KCNS3: variants seen among roughly 807,000 people sequenced by gnomAD.
KCNS3 encodes the protein potassium voltage-gated channel modifier subfamily S member 3.
KCNS3 carries 13 observed loss-of-function variants against 31.0 expected under a neutral mutation model. The ratio of observed to expected loss-of-function variants is 0.42; its 90% CI spans 0.27 to 0.67. The LOEUF (loss-of-function observed/expected upper bound fraction) is 0.67. Ranked by LOEUF, KCNS3 falls within the 30% of genes least tolerant of loss-of-function variation. The probability of loss-of-function intolerance (pLI) is 0.25; values close to 1 mark genes in which losing one functional copy is unlikely to be tolerated. For synonymous variants in KCNS3, 238 were observed against 241.5 expected (o/e 0.99, Z 0.13); for missense variants, 545 against 622.4 (o/e 0.88, Z 1.32).
chr2:17,921,913 GTGTATA>G (rs1454123682), intron 2 of KCNS3, among the ~76,000 whole-genome samples: 2,147 of 33,564 alleles, frequency 0.064, 21 homozygotes, highest in Admixed American at 0.084. Flanking sequence ...GTGTGTGTGT[GTGTATA>G]TATATATATA....
intron 1 of KCNS3, among the ~76,000 whole-genome samples, chr2:17,909,733 G>T (rs2125244937): frequency 6.6e-6 from 1 of 152,278 alleles, no homozygotes. Context: ...CCAGGCAGAG[G>T]GTTCAGCCAC....
intron 2 of KCNS3, among the ~76,000 whole-genome samples, chr2:17,924,479 T>G (rs767271677): frequency 1.3e-4 from 20 of 152,276 alleles, no homozygotes; most frequent in Middle Eastern, 6.8e-3. Flanking sequence ...AAATATGTTT[T>G]TAGCTGTGGG....
intron 2 of KCNS3, among the ~76,000 whole-genome samples, chr2:17,921,911 G>A (rs1374391865): frequency 1.0e-5 from 1 of 100,434 alleles, no homozygotes; most frequent in Non-Finnish European, 2.0e-5. Flanking sequence ...ATGTGTGTGT[G>A]TGTGTATATA....
intron 1 of KCNS3, among the ~76,000 whole-genome samples, chr2:17,905,903 G>C (rs1044797742): frequency 8.5e-5 from 13 of 152,324 alleles, no homozygotes; most frequent in African/African-American, 3.1e-4. Flanking sequence ...GTTCATCAAG[G>C]ATATTGGTCT....
intron 1 of KCNS3, among the ~76,000 whole-genome samples, chr2:17,905,690 A>G (rs1363153269): frequency 6.6e-6 from 1 of 152,184 alleles, no homozygotes; most frequent in Non-Finnish European, 1.5e-5. Context: ...AATTTTGTCA[A>G]AGGCCTTTTC....
chr2:17,920,975 T>G (rs553253793), intron 2 of KCNS3, among the ~76,000 whole-genome samples: 1 of 152,328 alleles, frequency 6.6e-6, no homozygotes, highest in African/African-American at 2.4e-5. Flanking sequence ...ATTCTGAGCC[T>G]CAGATGTCCC....
intron 1 of KCNS3, among the ~76,000 whole-genome samples, chr2:17,892,214 C>T (rs377207545): frequency 6.6e-6 from 1 of 151,602 alleles, no homozygotes. Flanking sequence ...TTGTTCAATT[C>T]TATTGCTGAG....
intron 1 of KCNS3, among the ~76,000 whole-genome samples, chr2:17,880,827 C>T (rs1224055563): frequency 6.6e-6 from 1 of 152,222 alleles, no homozygotes; most frequent in Non-Finnish European, 1.5e-5. Context: ...CTGCAGCTCC[C>T]TCCTGTCTTC....
rs139104730 is a variant in KCNS3, at chr2:17,900,779, C to T, written c.-251-16901C>T. Among the ~76,000 whole-genome samples, 265 of 152,146 alleles carry T rather than the reference C, an allele frequency of 1.7e-3. 2 individuals are homozygous for T. The highest frequency in any genetic ancestry group is 6.3e-3 in the African/African-American group (260 of 41,508). ...TGCTGGGATTACAGGCATGAACCAC[C>T]GCGTCTGGCTGTTTTTCACTAATTC... On this transcript the variant is annotated intron_variant, in intron 1 of 2. Coordinates refer to ENST00000304101, the MANE Select transcript of KCNS3 (RefSeq NM_002252.5).
intron 1 of KCNS3, among the ~76,000 whole-genome samples, chr2:17,887,668 C>A (rs1361065477): frequency 3.3e-5 from 5 of 152,046 alleles, no homozygotes; most frequent in African/African-American, 1.2e-4. Flanking sequence ...ATAATGACTT[C>A]TTTTCCTCTG....
At chr2:17,925,462 G>A (rs925870039) in intron 2 of KCNS3, among the ~76,000 whole-genome samples, 5 of 152,130 alleles carry the variant, frequency 3.3e-5, no homozygotes, top group Admixed American at 2.0e-4. Context: ...TTTTCACGCT[G>A]CTATAAAGAC....
At chr2:17,905,642 C>T (rs1227040467) in intron 1 of KCNS3, among the ~76,000 whole-genome samples, 1 of 152,122 alleles carries the variant, frequency 6.6e-6, no homozygotes, top group East Asian at 1.9e-4. Flanking sequence ...CTCATCAATG[C>T]CTAATTTATT....
chr2:17,912,792 C>G (rs1319658946), intron 1 of KCNS3, among the ~76,000 whole-genome samples: 1 of 152,184 alleles, frequency 6.6e-6, no homozygotes, highest in African/African-American at 2.4e-5. Context: ...TTATACTAAC[C>G]TTTCAAAAAT....
At chr2:17,894,252 GT>G (rs563008250) in intron 1 of KCNS3, among the ~76,000 whole-genome samples, 299 of 152,146 alleles carry the variant, frequency 2.0e-3, no homozygotes, top group African/African-American at 6.7e-3. Context: ...CAGTGACATG[GT>G]TTTGAGTACC....
intron 2 of KCNS3, among the ~76,000 whole-genome samples, chr2:17,929,443 A>ACGAGAAC (rs1662907103): frequency 6.6e-6 from 1 of 152,180 alleles, no homozygotes; most frequent in Non-Finnish European, 1.5e-5. Flanking sequence ...GCCAGATCTC[A>ACGAGAAC]TGAGAACTCT....
chr2:17,904,595 C>A (rs1449190716), intron 1 of KCNS3, among the ~76,000 whole-genome samples: 4 of 152,148 alleles, frequency 2.6e-5, no homozygotes, highest in Admixed American at 2.6e-4. Context: ...GGTTTTAGGT[C>A]TAACATTTAA....
At chr2:17,887,630 T>C (rs928225136) in intron 1 of KCNS3, among the ~76,000 whole-genome samples, 7 of 151,516 alleles carry the variant, frequency 4.6e-5, no homozygotes, top group African/African-American at 1.7e-4. Flanking sequence ...TGTGCTGCTA[T>C]AAACATGTGT....
At chr2:17,909,484 AG>A (rs1662421045) in intron 1 of KCNS3, among the ~76,000 whole-genome samples, 1 of 152,118 alleles carries the variant, frequency 6.6e-6, no homozygotes, top group African/African-American at 2.4e-5. Context: ...CTGTCTGACG[AG>A]CCCCAGTGAG....
intron 1 of KCNS3, among the ~76,000 whole-genome samples, chr2:17,898,904 G>C (rs1036072945): frequency 1.3e-5 from 2 of 152,134 alleles, no homozygotes; most frequent in Non-Finnish European, 2.9e-5. Flanking sequence ...TTCTCAGATG[G>C]CACTCAGGGC....
Sources: allele counts gnomAD v4.1 joint callset (sites outside exome capture counted in the v4.1 genomes callset), GRCh38; gene constraint gnomAD v4.1.1; transcripts MANE v1.5; gene names NCBI Gene and HGNC (gene_info 2026-07-23, HGNC 2026-07-21).